CLOCK: variants seen among roughly 807,000 people sequenced by gnomAD.
CLOCK encodes circadian locomoter output cycles protein kaput.
CLOCK carries 43 observed loss-of-function variants against 118.4 expected under a neutral mutation model. The observed-to-expected ratio is 0.36, with a 90% confidence interval of 0.28 to 0.47. CLOCK has a LOEUF of 0.47. Among genes scored for constraint, CLOCK ranks in the 20% least tolerant of loss-of-function variants. The pLI is 1.00. For missense variants in CLOCK, 846 were observed against 999.9 expected (o/e 0.85, Z 2.08); for synonymous variants, 326 against 339.2 (o/e 0.96, Z 0.43).
At chr4:55,448,700 G>A (rs2109739456) in intron 18 of CLOCK, 79 bp downstream of exon 18, 1 of 1,159,112 alleles carries the variant, frequency 8.6e-7, no homozygotes, top group Non-Finnish European at 1.2e-6. Flanking sequence ...AGCAAGCCTG[G>A]ATTTTTAAAA....
At chr4:55,540,766 A>G (rs762833553) in intron 1 of CLOCK, 3 of 152,286 alleles carry the variant, frequency 2.0e-5, no homozygotes, top group African/African-American at 7.2e-5. Flanking sequence ...CTGCCGAGCC[A>G]GCCAGATGAG....
At chr4:55,509,203 C>G (rs1046336374) in intron 2 of CLOCK, among the ~76,000 whole-genome samples, 1 of 152,230 alleles carries the variant, frequency 6.6e-6, no homozygotes, top group African/African-American at 2.4e-5. Flanking sequence ...CATGGGACCA[C>G]TGTCGTATAT....
At chr4:55,521,406 C>T (rs1239290489) in intron 1 of CLOCK, among the ~76,000 whole-genome samples, 4 of 152,176 alleles carry the variant, frequency 2.6e-5, no homozygotes, top group African/African-American at 4.8e-5. Context: ...TTAGCAGAGA[C>T]GGGGTTTCAC....
At chr4:55,464,786 A>T (rs1725620000) in intron 8 of CLOCK, among the ~76,000 whole-genome samples, 1 of 152,236 alleles carries the variant, frequency 6.6e-6, no homozygotes, top group Non-Finnish European at 1.5e-5. Context: ...AGAGGGGAGA[A>T]AGGGGTGTTG....
chr4:55,542,925 A>G (rs1224054973), intron 1 of CLOCK, among the ~76,000 whole-genome samples: 1 of 152,186 alleles, frequency 6.6e-6, no homozygotes, highest in Non-Finnish European at 1.5e-5. Flanking sequence ...AAAGAGTCCT[A>G]TAAAATTCAT....
At chr4:55,444,124 G>A (rs1474358354) in intron 19 of CLOCK, among the ~76,000 whole-genome samples, 1 of 152,164 alleles carries the variant, frequency 6.6e-6, no homozygotes, top group African/African-American at 2.4e-5. Context: ...ACTAGTGTTA[G>A]TCTGTGGATT....
In CLOCK at chr4:55,455,947, T is replaced by G; in HGVS notation, c.932A>C (p.Asp311Ala). The change falls in exon 13 of 23, where the codon GAT becomes GCT. Residue 311 changes from aspartate (D) to alanine (A), a missense_variant. Asp to Ala is a moderately radical substitution (Grantham distance 126). This residue lies in a region of CLOCK where 66 missense variants were observed against 99.4 expected (regional missense o/e 0.66). Transcript: ENST00000513440. ...PFEVLGTSGYDYYHVDDLENL... is the reference protein window; with the variant it reads ...PFEVLGTSGYAYYHVDDLENL... ...TTCTAGGTCATCCACATGATAGTAA[T>G]CATAGCCTGATGTTCCCAGAACTTC... 1 of 1,613,742 alleles carries G rather than the reference T, an allele frequency of 6.2e-7. No homozygotes were observed. Among genetic ancestry groups the G allele is most frequent in the South Asian group, 1.1e-5 (1 of 91,076 alleles).
chr4:55,546,010 G>A (rs1731594216), intron 1 of CLOCK: 1 of 152,214 alleles, frequency 6.6e-6, no homozygotes, highest in Non-Finnish European at 1.5e-5. Flanking sequence ...GCCGGCAACG[G>A]CGGCCGTTCG....
chr4:55,509,241 T>C (rs1450650895), intron 2 of CLOCK, among the ~76,000 whole-genome samples: 1 of 152,226 alleles, frequency 6.6e-6, no homozygotes, highest in African/African-American at 2.4e-5. Context: ...ATGTAATGCA[T>C]GACTGTACTT....
intron 2 of CLOCK, among the ~76,000 whole-genome samples, chr4:55,501,111 G>C (rs6824057): frequency 0.71 from 108,714 of 152,110 alleles, 39,375 homozygotes; most frequent in African/African-American, 0.82. Flanking sequence ...ACCTCAGCCT[G>C]CCAAAGTGTT....
intron 9 of CLOCK, among the ~76,000 whole-genome samples, chr4:55,462,837 C>A (rs1725440847): frequency 8.7e-6 from 1 of 115,080 alleles, no homozygotes; most frequent in African/African-American, 2.9e-5. Flanking sequence ...TATAGATACA[C>A]ACAGATTTGT....
chr4:55,504,202 C>T (rs1347940103), intron 2 of CLOCK, among the ~76,000 whole-genome samples: 1 of 143,770 alleles, frequency 7.0e-6, no homozygotes, highest in African/African-American at 2.6e-5. Flanking sequence ...AGGAGAATCA[C>T]GTGAACCCGA....
At chr4:55,530,903 C>T (rs1278724549) in intron 1 of CLOCK, among the ~76,000 whole-genome samples, 1 of 150,902 alleles carries the variant, frequency 6.6e-6, no homozygotes, top group African/African-American at 2.4e-5. Flanking sequence ...CTCAGAATGA[C>T]ATATACACAG....
intron 1 of CLOCK, among the ~76,000 whole-genome samples, chr4:55,531,231 G>GA (rs904340139): frequency 5.4e-4 from 79 of 147,540 alleles, no homozygotes; most frequent in Middle Eastern, 3.5e-3. Flanking sequence ...TAGACCCATA[G>GA]AAAAAAAAAA....
At position 55,482,742 on chromosome 4, in the gene CLOCK, T is replaced by G; in HGVS notation, c.44A>C (p.Asp15Ala). Residue 15 changes from aspartate to alanine, a missense_variant, in exon 4 of 23, where the codon GAC (aspartate) becomes GCC (alanine). Asp to Ala is a moderately radical substitution (Grantham distance 126). Around this residue, in one of 4 missense-constraint regions of CLOCK, gnomAD observed 246 missense variants for 300.2 expected, o/e 0.82. Coordinates refer to ENST00000513440, the MANE Select transcript of CLOCK (RefSeq NM_004898.4). ...VSCSKMSSIV[D>A]RDDSSIFDGL... ...AAATAAGTCTTCAAAAACATACCTG[T>G]CAACAATCGAGCTCATTTTACTACA... is the stretch of plus-strand genomic sequence containing the variant. 6.2e-7 allele frequency: 1 copy of G among 1,605,320 alleles called. No homozygotes were observed. Among genetic ancestry groups the G allele is most frequent in the Non-Finnish European group, 8.5e-7 (1 of 1,174,786 alleles).
intron 16 of CLOCK, 111 bp from the exon 17 acceptor site, chr4:55,449,607 A>T (rs1724244576): frequency 2.2e-6 from 2 of 914,672 alleles, no homozygotes; most frequent in African/African-American, 3.3e-5. Context: ...TTATTTTTCC[A>T]AACCATTCAA....
chr4:55,482,226 T>G (rs1290939206), intron 4 of CLOCK, among the ~76,000 whole-genome samples: 1 of 152,180 alleles, frequency 6.6e-6, no homozygotes, highest in Non-Finnish European at 1.5e-5. Context: ...CCAATAGTTT[T>G]TTAACCCTCA....
rs563802287 is a variant in CLOCK at position 55,517,491 on chromosome 4, C to A, written c.-289-7426G>T. Among the ~76,000 whole-genome samples, 293 of 152,310 alleles carry A rather than the reference C, an allele frequency of 1.9e-3. 1 individual carries two copies. Among genetic ancestry groups the A allele is most frequent in the African/African-American group, 6.9e-3 (285 of 41,564 alleles). ...CGCCACTGCACTCCAGCCCGGGCAA[C>A]AGAGCCAGACTCTGTCTCAAAACAC... On this transcript the variant is annotated intron_variant, in intron 1 of 22. Coordinates refer to ENST00000513440, the MANE Select transcript of CLOCK (RefSeq NM_004898.4).
intron 1 of CLOCK, among the ~76,000 whole-genome samples, chr4:55,531,260 TAAGTA>T (rs781372108): frequency 6.6e-6 from 1 of 151,978 alleles, no homozygotes; most frequent in African/African-American, 2.4e-5. Flanking sequence ...GCACTATAAT[TAAGTA>T]AAGTGTAAGT....
Sources: gnomAD v4.1 joint callset for allele counts (sites outside exome capture counted in the v4.1 genomes callset) on GRCh38, gnomAD v4.1.1 for gene constraint, gnomAD v4.1.1 regional missense constraint, MANE v1.5 for transcripts, NCBI Gene and HGNC (gene_info 2026-07-23, HGNC 2026-07-21) for gene names.